AKAP7: variants seen among roughly 807,000 people sequenced by gnomAD.
The protein encoded by AKAP7 is A-kinase anchoring protein 7.
AKAP7 carries 39 observed loss-of-function variants against 39.5 expected under a neutral mutation model. That is an observed-to-expected ratio of 0.99 (90% CI 0.76 to 1.29). AKAP7 has a LOEUF of 1.29. Ranked by LOEUF, AKAP7 falls within the 50% of genes most tolerant of loss-of-function variation. The probability of loss-of-function intolerance (pLI) is 0.00; values close to 1 mark genes in which losing one functional copy is unlikely to be tolerated. For missense variants in AKAP7, 414 were observed against 407.7 expected (o/e 1.02, Z -0.13); for synonymous variants, 140 against 139.1 (o/e 1.01, Z -0.05).
intron 7 of AKAP7, among the ~76,000 whole-genome samples, chr6:131,272,011 G>C (rs1814326659): frequency 6.6e-6 from 1 of 152,132 alleles, no homozygotes; most frequent in Non-Finnish European, 1.5e-5. Context: ...CACTGAAAGA[G>C]CAAAGCCCCG....
At chr6:131,244,415 T>G (rs1384724393) in intron 7 of AKAP7, among the ~76,000 whole-genome samples, 2 of 152,224 alleles carry the variant, frequency 1.3e-5, no homozygotes, top group African/African-American at 2.4e-5. Flanking sequence ...GGAATTAAAC[T>G]GATAGCAGGG....
At chr6:131,240,942 C>T (rs9492876) in intron 7 of AKAP7, among the ~76,000 whole-genome samples, 3,674 of 152,186 alleles carry the variant, frequency 0.024, 90 homozygotes, top group African/African-American at 0.063. Context: ...ACCCACTGTC[C>T]GACGCTCCCC....
At chr6:131,134,830 T>C (rs917093523), upstream of AKAP7, among the ~76,000 whole-genome samples, 1 of 152,234 alleles carries the variant, frequency 6.6e-6, no homozygotes, top group African/African-American at 2.4e-5. Flanking sequence ...TGTGGACGGA[T>C]GCACCTAATG....
chr6:131,240,151 T>C (rs1269360121), intron 7 of AKAP7, among the ~76,000 whole-genome samples: 4 of 152,250 alleles, frequency 2.6e-5, no homozygotes, highest in African/African-American at 9.6e-5. Context: ...TGCAGGTCTG[T>C]TGGAGTTTGC....
Position 131,281,901 on chromosome 6 carries a change from A to G in AKAP7, c.*175A>G. ...CGCATTGCTGAAACACAACAGAAGA[A>G]AAATGGAGTGCTGGGACTGGCAGAG... On this transcript the variant is annotated 3_prime_UTR_variant, in exon 8 of 8. Transcript: ENST00000431975. This position sits in a 1 kb window ranked among gnomAD's most constrained non-coding sequence, Gnocchi z 4.0. 1 of 1,259,132 alleles carries G rather than the reference A, an allele frequency of 7.9e-7. No individual in the cohort carries two copies. 78.0% of individuals were successfully genotyped at this position (1,259,132 alleles called of 1,614,324 possible).
intron 4 of AKAP7, among the ~76,000 whole-genome samples, chr6:131,167,557 T>C (rs1157068987): frequency 6.6e-6 from 1 of 152,190 alleles, no homozygotes; most frequent in Non-Finnish European, 1.5e-5. Flanking sequence ...CTTAAAAGTA[T>C]GTGCACTGTT....
intron 7 of AKAP7, among the ~76,000 whole-genome samples, chr6:131,222,647 T>G (rs1257284535): frequency 6.6e-6 from 1 of 152,228 alleles, no homozygotes; most frequent in African/African-American, 2.4e-5. Context: ...TTGCTTCTTA[T>G]GAATGAACAA....
At chr6:131,147,530 G>A (rs928197473) in intron 2 of AKAP7, among the ~76,000 whole-genome samples, 15 of 152,206 alleles carry the variant, frequency 9.9e-5, no homozygotes, top group African/African-American at 3.4e-4. Flanking sequence ...TTTCATACCT[G>A]TTAATTAGAA....
intron 7 of AKAP7, among the ~76,000 whole-genome samples, chr6:131,273,888 C>A (rs1814512718): frequency 6.7e-6 from 1 of 149,906 alleles, no homozygotes; most frequent in Non-Finnish European, 1.5e-5. Context: ...CATCCTTCAC[C>A]TTCATTTTTG....
intron 7 of AKAP7, among the ~76,000 whole-genome samples, chr6:131,254,779 A>G (rs1329137708): frequency 6.6e-6 from 1 of 152,238 alleles, no homozygotes; most frequent in Non-Finnish European, 1.5e-5. Context: ...GGCTGAAAAT[A>G]AAATATTAGA....
chr6:131,265,421 A>G (rs1014068574), intron 7 of AKAP7, among the ~76,000 whole-genome samples: 3 of 152,090 alleles, frequency 2.0e-5, no homozygotes, highest in Admixed American at 6.6e-5. Context: ...AGGCAGCTTT[A>G]TATGATTTTC....
intron 3 of AKAP7, among the ~76,000 whole-genome samples, chr6:131,160,804 C>A (rs977395031): frequency 1.3e-5 from 2 of 152,142 alleles, no homozygotes; most frequent in Non-Finnish European, 2.9e-5. Context: ...TGGTAAAAAT[C>A]TATTAAAATC....
At chr6:131,129,665 A>C in the AKAP7 span, among the ~76,000 whole-genome samples, 1 of 152,228 alleles carries the variant, frequency 6.6e-6, no homozygotes, top group Non-Finnish European at 1.5e-5. Flanking sequence ...GACTACTGAA[A>C]TAAGTCTATT....
At chr6:131,143,626 G>GGT (rs368646715) in intron 1 of AKAP7, among the ~76,000 whole-genome samples, 7 of 151,864 alleles carry the variant, frequency 4.6e-5, no homozygotes, top group African/African-American at 7.2e-5. Context: ...ATACAACAGG[G>GGT]GTGTGTGTGT....
At chr6:131,264,844 A>T (rs778918481) in intron 7 of AKAP7, among the ~76,000 whole-genome samples, 1 of 152,180 alleles carries the variant, frequency 6.6e-6, no homozygotes, top group Non-Finnish European at 1.5e-5. Flanking sequence ...GGCACATCAC[A>T]TGGCAAGAGC....
chr6:131,154,189 C>G (rs956654909), intron 2 of AKAP7, among the ~76,000 whole-genome samples: 1 of 151,862 alleles, frequency 6.6e-6, no homozygotes, highest in African/African-American at 2.4e-5. Flanking sequence ...GCCTGGGCAA[C>G]AAGAGCAAAA....
chr6:131,238,684 C>T (rs554706157), intron 7 of AKAP7, among the ~76,000 whole-genome samples: 1 of 152,082 alleles, frequency 6.6e-6, no homozygotes, highest in Non-Finnish European at 1.5e-5. Flanking sequence ...CTCTTTTGAT[C>T]TTTGTTGGTT....
intron 2 of AKAP7, among the ~76,000 whole-genome samples, chr6:131,151,381 G>GTT (rs111997888): frequency 0.22 from 31,036 of 143,586 alleles, 3,455 homozygotes; most frequent in Middle Eastern, 0.33. Context: ...AGAAGGTAAG[G>GTT]TTTTTTTTTT....
intron 5 of AKAP7, chr6:131,185,046 G>T (rs1489813722): frequency 4.1e-6 from 3 of 726,284 alleles, no homozygotes; most frequent in Non-Finnish European, 7.8e-6. Flanking sequence ...TTGACTGTTT[G>T]TCACAGGAAA....
Sources: allele counts gnomAD v4.1 joint callset (sites outside exome capture counted in the v4.1 genomes callset), GRCh38; gene constraint gnomAD v4.1.1; non-coding constraint Gnocchi (gnomAD v3.1); transcripts MANE v1.5; gene names NCBI Gene and HGNC (gene_info 2026-07-23, HGNC 2026-07-21).